The following UTP14A variants were observed in gnomAD, a reference collection of about 807,000 sequenced individuals.
UTP14A encodes the protein U3 small nucleolar RNA-associated protein 14 homolog A.
UTP14A carries 5 observed loss-of-function variants against 57.2 expected under a neutral mutation model. The observed-to-expected ratio is 0.09, with a 90% CI of 0.05 to 0.18. The LOEUF (loss-of-function observed/expected upper bound fraction) is 0.18, where lower values mean the gene tolerates loss of function less well. Ranked by LOEUF, UTP14A falls within the 10% of genes least tolerant of loss-of-function variation. The pLI is 1.00. For synonymous variants in UTP14A, 169 were observed against 210.9 expected (o/e 0.80, Z 1.72); for missense variants, 430 against 562.1 (o/e 0.76, Z 2.38).
At chrX:129,923,513 G>C (rs1426567167) in intron 11 of UTP14A, among the ~76,000 whole-genome samples, 1 of 111,569 alleles carries the variant, frequency 9.0e-6, no homozygotes, top group Non-Finnish European at 1.9e-5. Context: ...GGCTTCAAGT[G>C]AATCACCCAT....
At chrX:129,907,171 A>C (rs1746991543) in intron 1 of UTP14A, among the ~76,000 whole-genome samples, 196 bp from the exon 2 acceptor site, 1 of 110,960 alleles carries the variant, frequency 9.0e-6, no homozygotes, top group African/African-American at 3.3e-5. Flanking sequence ...ACGCTGCTTT[A>C]TATATCTTCT....
At chrX:129,926,698 G>C (rs1303708073) in intron 14 of UTP14A, among the ~76,000 whole-genome samples, 2 of 112,020 alleles carry the variant, frequency 1.8e-5, no homozygotes, top group Non-Finnish European at 3.8e-5. Flanking sequence ...AAATTTGAGC[G>C]TGATTACGGT....
At chrX:129,911,634 C>G in intron 5 of UTP14A, 132 bp from the exon 6 acceptor site, 7 of 778,608 alleles carry the variant, frequency 9.0e-6, no homozygotes, top group Non-Finnish European at 9.4e-6. Context: ...CATCCTGATT[C>G]TTTCATCCTG....
At chrX:129,926,196 T>A (rs1156435677) in intron 13 of UTP14A, 44 bp from the exon 14 acceptor site, 1 of 1,203,338 alleles carries the variant, frequency 8.3e-7, no homozygotes, top group East Asian at 3.0e-5. Context: ...TTTGACTAAG[T>A]CCTTAATGCT....
chrX:129,916,099 G>A (rs957173280), intron 6 of UTP14A, among the ~76,000 whole-genome samples: 2 of 109,104 alleles, frequency 1.8e-5, no homozygotes, highest in Admixed American at 2.0e-4. Context: ...GACTACAGGT[G>A]CCCGCCACCA....
rs1461875878 is a variant in UTP14A at position 129,919,291 on chromosome X, A to G, written c.654A>G (p.Glu218=). Reference sequence around the variant, plus strand: ...CCTCTCTCCGAGCCATGAGCCTAGAAGAGGTAAGTGTGTCATAGGCCCTTC... The same window carrying G: ...CCTCTCTCCGAGCCATGAGCCTAGAGGAGGTAAGTGTGTCATAGGCCCTTC... The part of the protein sequence containing the change: ...EKASLRAMSL[E]EAKMRRAELQ... The change falls in exon 7 of 15, where the codon GAA becomes GAG. Residue 218 remains glutamate (E), a synonymous_variant. Coordinates refer to ENST00000394422, the MANE Select transcript of UTP14A (RefSeq NM_006649.4). 8.3e-7 allele frequency: 1 copy of G among 1,211,771 alleles called. No individual in the cohort carries two copies. Among genetic ancestry groups the G allele is most frequent in the Non-Finnish European group, 1.1e-6 (1 of 895,552 alleles).
chrX:129,917,502 G>A (rs1430472693), intron 6 of UTP14A, among the ~76,000 whole-genome samples: 1 of 111,237 alleles, frequency 9.0e-6, no homozygotes, highest in Non-Finnish European at 1.9e-5. Context: ...TGGCATGATC[G>A]GCCTGAATAT....
At chrX:129,911,651 G>T (rs971466062) in intron 5 of UTP14A, 115 bp from the exon 6 acceptor site, 2 of 896,189 alleles carry the variant, frequency 2.2e-6, no homozygotes, top group African/African-American at 2.0e-5. Flanking sequence ...CCTGATTCTA[G>T]CATCCTGATT....
rs41300940 is a variant in UTP14A at position 129,907,233 on chromosome X, A to G, written c.27-134A>G. 4.9e-3 allele frequency: 2,365 copies of G among 483,677 alleles called. 6 individuals carry two copies. Among genetic ancestry groups the G allele is most frequent in the Middle Eastern group, 0.014 (25 of 1,743 alleles). The allele number at this position is 483,677 out of a possible 1,213,427, so 39.9% of individuals were successfully genotyped here. ...ATTACAATGTTTTCGAGATTGTTTT[A>G]ATAGATTAGACATTGCTTCAAATAA... On this transcript the variant is annotated intron_variant, in intron 1 of 14. Coordinates refer to ENST00000394422, the MANE Select transcript of UTP14A (RefSeq NM_006649.4).
chrX:129,925,261 G>T, intron 12 of UTP14A, 66 bp downstream of exon 12: 13 of 1,145,039 alleles, frequency 1.1e-5, no homozygotes, highest in Non-Finnish European at 1.5e-5. Context: ...GAGTAATGAA[G>T]CTTTGTTTTG....
At position 129,926,454 on chromosome X, in the gene UTP14A, T is replaced by C; in HGVS notation, c.2043+115T>C. ...GAGACGTGTGATCTTGACCGCAGAA[T>C]CAAATCTGTTGTTTTCACTGAATGG... On this transcript the variant is annotated intron_variant, in intron 14 of 14. Coordinates refer to ENST00000394422, the MANE Select transcript of UTP14A (RefSeq NM_006649.4). 3 of 632,451 alleles carry C rather than the reference T, an allele frequency of 4.7e-6. No homozygotes were observed. The East Asian group carries it at 1.0e-4, about 21-fold the overall frequency. 52.1% of individuals were successfully genotyped at this position (632,451 alleles called of 1,213,427 possible). A position where few individuals can be genotyped will look rare whatever the true frequency, so the allele number is the denominator to read the frequency against.
In UTP14A at chrX:129,924,770, C is replaced by T. The variant is rs376947386; in HGVS notation, c.1349-25C>T. The T allele has an allele frequency of 1.3e-5, 15 of 1,184,413 alleles. No individual in the cohort carries two copies. In the African/African-American group the frequency reaches 2.2e-4, roughly 17 times the overall value. On this transcript the variant is annotated intron_variant, in intron 11 of 14. Coordinates refer to ENST00000394422, the MANE Select transcript of UTP14A (RefSeq NM_006649.4). The stretch of plus-strand genomic sequence containing the variant: ...ACAACGTACAAACCTCATTTTCTGA[C>T]AGTTTTCATTCTTTTTTCCCCCAGA...
intron 5 of UTP14A, 137 bp downstream of exon 5, chrX:129,911,287 AAAT>A (rs1240470116): frequency 4.5e-6 from 4 of 894,627 alleles, no homozygotes; most frequent in Non-Finnish European, 6.1e-6. Flanking sequence ...ATAAGATTAA[AAAT>A]AATCTAGGAG....
intron 14 of UTP14A, 146 bp downstream of exon 14, chrX:129,926,485 A>C (rs1930112263): frequency 5.6e-6 from 3 of 534,283 alleles, no homozygotes; most frequent in Non-Finnish European, 9.0e-6. Context: ...AATGGCTGTT[A>C]GATTTATCAT....
rs769542185 is a variant in UTP14A at position 129,911,189 on chromosome X, T to C, written c.381+39T>C. ...AAGGTGGTCTATTAAGGGAAAGAAATTGAATTGACAAGGGAAAATAGGGTA... is the reference window on the plus strand; with the variant it reads ...AAGGTGGTCTATTAAGGGAAAGAAACTGAATTGACAAGGGAAAATAGGGTA... On this transcript the variant is annotated intron_variant, in intron 5 of 14. Transcript: ENST00000394422. 6 of 1,169,574 alleles carry C rather than the reference T, an allele frequency of 5.1e-6. No individual in the cohort carries two copies. In the African/African-American group the frequency reaches 1.1e-4, roughly 21 times the overall value.
chrX:129,926,072 G>T lies in UTP14A; in HGVS notation c.1903G>T (p.Gly635Cys), dbSNP rs778086926. 1.7e-6 allele frequency: 2 copies of T among 1,211,909 alleles called. No individual in the cohort carries two copies. The highest frequency in any genetic ancestry group is 1.1e-6 in the Non-Finnish European group (1 of 895,450). Residue 635 changes from glycine to cysteine, a missense_variant, in exon 13 of 15, where the codon GGT becomes TGT. Physicochemically the swap from Gly to Cys is radical, Grantham distance 159. Transcript: ENST00000394422. ...GACACTACCTGGCTGGGGCGAGTGG[G>T]GTGGTGTGGGCCTAAAGCCCAGTGC... ...DLTLPGWGEW[G>C]GVGLKPSAKK...
chrX:129,919,071 T>C (rs900366163), intron 6 of UTP14A, 104 bp from the exon 7 acceptor site: 9 of 1,139,515 alleles, frequency 7.9e-6, no homozygotes, highest in Non-Finnish European at 8.3e-6. Context: ...TATCCACTTA[T>C]GATTCCAATT....
chrX:129,915,707 C>T (rs904984549), intron 6 of UTP14A, among the ~76,000 whole-genome samples: 2 of 110,349 alleles, frequency 1.8e-5, no homozygotes, highest in Non-Finnish European at 3.8e-5. Context: ...TGGTCTGTCT[C>T]CACTGCTGCC....
chrX:129,909,580 A>G (rs775478900), intron 4 of UTP14A, among the ~76,000 whole-genome samples: 1 of 111,494 alleles, frequency 9.0e-6, no homozygotes, highest in Non-Finnish European at 1.9e-5. Flanking sequence ...CCTAAGGAAT[A>G]AGAGTTTGTT....
Sources: gnomAD v4.1 joint callset for allele counts (sites outside exome capture counted in the v4.1 genomes callset) on GRCh38, gnomAD v4.1.1 for gene constraint, MANE v1.5 for transcripts, NCBI Gene and HGNC (gene_info 2026-07-23, HGNC 2026-07-21) for gene names.